The following RNF115 variants were observed in gnomAD, a reference collection of about 807,000 sequenced individuals.
RNF115 encodes ring finger protein 115.
A neutral mutation model predicts 39.2 loss-of-function variants in RNF115; 31 were observed. That is an observed-to-expected ratio of 0.79 (90% CI 0.59 to 1.07). The LOEUF is 1.07. RNF115 is among the 50% of genes least tolerant of loss of function. RNF115 has a pLI of 0.00. For synonymous variants in RNF115, 124 were observed against 131.0 expected, an observed-to-expected ratio of 0.95 and a Z score of 0.37; for missense variants, 384 against 381.7, an observed-to-expected ratio of 1.01 and a Z score of -0.05.
At chr1:145,748,990 G>A (rs1275692891) in intron 7 of RNF115, among the ~76,000 whole-genome samples, 4 of 152,080 alleles carry the variant, frequency 2.6e-5, no homozygotes, top group East Asian at 1.9e-4. Flanking sequence ...CTGCAAAGTC[G>A]AAGTCTAGCT....
At chr1:145,812,497 T>C (rs1188602488) in intron 1 of RNF115, among the ~76,000 whole-genome samples, 37 of 150,986 alleles carry the variant, frequency 2.5e-4, no homozygotes, top group Admixed American at 1.9e-3. Flanking sequence ...CCGCCTCTAC[T>C]AAAAATACAA....
At position 145,810,086 on chromosome 1, in the gene RNF115, GA is replaced by G. The variant is rs1195584392; in HGVS notation, c.102+13685del. Among the ~76,000 whole-genome samples, 6 of 63,632 alleles carry G rather than the reference GA, an allele frequency of 9.4e-5. No individual in the cohort carries two copies. In the South Asian group the frequency reaches 2.6e-3, roughly 27 times the overall value. The allele number at this position is 63,632 out of a possible 152,430, so 41.7% of individuals were successfully genotyped here. A position where few individuals can be genotyped will look rare whatever the true frequency, so the allele number is the denominator to read the frequency against. ...TGCTAAAGTAGTGAATAATAAGCAAGAAAAAAAAAAGAAGAGTGAATGATAA... is the reference window on the plus strand; with the variant it reads ...TGCTAAAGTAGTGAATAATAAGCAAGAAAAAAAAAGAAGAGTGAATGATAA... On this transcript the variant is annotated intron_variant, in intron 1 of 8. Coordinates refer to ENST00000582693, the MANE Select transcript of RNF115 (RefSeq NM_014455.4).
intron 8 of RNF115, among the ~76,000 whole-genome samples, chr1:145,747,550 C>T (rs1337222382): frequency 6.6e-6 from 1 of 152,044 alleles, no homozygotes; most frequent in African/African-American, 2.4e-5. Flanking sequence ...GACTGAGACA[C>T]AAGAATCACT....
At chr1:145,802,208 A>G (rs1258137327) in intron 1 of RNF115, among the ~76,000 whole-genome samples, 1 of 152,100 alleles carries the variant, frequency 6.6e-6, no homozygotes, top group Non-Finnish European at 1.5e-5. Context: ...CTTTCCCCCT[A>G]GGCTCTAAAA....
chr1:145,772,271 T>C (rs1240548926), intron 3 of RNF115: 3 of 180,914 alleles, frequency 1.7e-5, no homozygotes, highest in African/African-American at 7.2e-5. Context: ...TTTTCCATTG[T>C]GGGGCTTTTG....
intron 1 of RNF115, among the ~76,000 whole-genome samples, chr1:145,813,122 T>C (rs1553722943): frequency 1.3e-5 from 2 of 151,338 alleles, no homozygotes; most frequent in Admixed American, 6.6e-5. Context: ...ATTCTTACAC[T>C]GCCTTTCAAT....
At position 145,751,528 on chromosome 1, in the gene RNF115, TAGAC is replaced by T. The variant is rs1553712485; in HGVS notation, c.501-22_501-19del. 3.8e-6 allele frequency: 6 copies of T among 1,559,098 alleles called. No individual in the cohort carries two copies. The highest frequency in any genetic ancestry group is 5.3e-6 in the Non-Finnish European group (6 of 1,141,238). On this transcript the variant is annotated intron_variant, in intron 5 of 8. Coordinates refer to ENST00000582693, the MANE Select transcript of RNF115 (RefSeq NM_014455.4). ...TCCCGCTCCTATACGTGAGATGAGA[TAGAC>T]AGCATTAGATGGAGTGACCAGGCTC... is the stretch of plus-strand genomic sequence containing the variant.
chr1:145,779,299 C>T (rs1054497369), intron 3 of RNF115, among the ~76,000 whole-genome samples: 6 of 151,828 alleles, frequency 4.0e-5, no homozygotes, highest in Non-Finnish European at 7.4e-5. Context: ...CTCCGCTTCT[C>T]GAGTAGCTGG....
chr1:145,751,333 A>G, intron 6 of RNF115, 105 bp downstream of exon 6: 1 of 765,022 alleles, frequency 1.3e-6, no homozygotes, highest in East Asian at 2.8e-5. Context: ...AAAATATTAG[A>G]GAAAGCAGAG....
At chr1:145,804,536 C>T (rs1250768819) in intron 1 of RNF115, among the ~76,000 whole-genome samples, 1 of 140,474 alleles carries the variant, frequency 7.1e-6, no homozygotes, top group African/African-American at 2.5e-5. Flanking sequence ...CACACACAAT[C>T]AGACTGGAAA....
chr1:145,801,290 C>A (rs1553720865), intron 1 of RNF115, among the ~76,000 whole-genome samples: 1 of 152,126 alleles, frequency 6.6e-6, no homozygotes, highest in Non-Finnish European at 1.5e-5. Context: ...TGCTTTTAGG[C>A]CAGGCACAGT....
chr1:145,794,327 G>A (rs1347799297), intron 1 of RNF115, among the ~76,000 whole-genome samples: 2 of 152,040 alleles, frequency 1.3e-5, no homozygotes, highest in Non-Finnish European at 2.9e-5. Context: ...AGGCTGGTCT[G>A]TGCTCAACTT....
At position 145,795,001 on chromosome 1, in the gene RNF115, A is replaced by G. The variant is rs2101580943; in HGVS notation, c.103-6035T>C. On this transcript the variant is annotated intron_variant, in intron 1 of 8. Coordinates refer to ENST00000582693, the MANE Select transcript of RNF115 (RefSeq NM_014455.4). Reference sequence around the variant, plus strand: ...CACCGCACTCCAGCCTGGGTGACAGAGCGAGACTCCATTTCAAAAAAAAAA... The same window carrying G: ...CACCGCACTCCAGCCTGGGTGACAGGGCGAGACTCCATTTCAAAAAAAAAA... Among the ~76,000 whole-genome samples, 3 of 135,836 alleles carry G rather than the reference A, an allele frequency of 2.2e-5. No individual in the cohort carries two copies. The South Asian group carries it at 7.1e-4, about 32-fold the overall frequency. 89.1% of individuals were successfully genotyped at this position (135,836 alleles called of 152,430 possible).
At chr1:145,804,936 G>A (rs1649402114) in intron 1 of RNF115, among the ~76,000 whole-genome samples, 1 of 151,962 alleles carries the variant, frequency 6.6e-6, no homozygotes, top group Non-Finnish European at 1.5e-5. Context: ...CACTGATCTA[G>A]ACTACTGATT....
chr1:145,751,564 A>G, intron 5 of RNF115, 54 bp from the exon 6 acceptor site: 1 of 1,324,484 alleles, frequency 7.6e-7, no homozygotes, highest in Non-Finnish European at 1.1e-6. Context: ...GCTCTGCCTT[A>G]CACCACAGAA....
intron 1 of RNF115, among the ~76,000 whole-genome samples, chr1:145,793,751 C>T (rs907054291): frequency 8.5e-5 from 13 of 152,124 alleles, no homozygotes; most frequent in African/African-American, 2.7e-4. Context: ...AACACAAACA[C>T]ATTTCCCACA....
chr1:145,803,679 C>T (rs1317814383), intron 1 of RNF115, among the ~76,000 whole-genome samples: 1 of 152,210 alleles, frequency 6.6e-6, no homozygotes, highest in African/African-American at 2.4e-5. Flanking sequence ...TGAGCCACCG[C>T]ACCCAGCCAC....
At chr1:145,793,626 T>TCA (rs34785428) in intron 1 of RNF115, among the ~76,000 whole-genome samples, 72,578 of 149,902 alleles carry the variant, frequency 0.48, 17,951 homozygotes, top group East Asian at 0.69. Context: ...ATGCTTTTTC[T>TCA]CACACACACA....
chr1:145,779,528 A>G (rs1553717011), intron 3 of RNF115, among the ~76,000 whole-genome samples: 1 of 152,202 alleles, frequency 6.6e-6, no homozygotes, highest in African/African-American at 2.4e-5. Context: ...CATAATACCA[A>G]GTAAATTTTT....
Sources: allele counts gnomAD v4.1 joint callset (sites outside exome capture counted in the v4.1 genomes callset), GRCh38; gene constraint gnomAD v4.1.1; transcripts MANE v1.5; gene names NCBI Gene and HGNC (gene_info 2026-07-23, HGNC 2026-07-21).